SORCS2: variants seen among roughly 807,000 people sequenced by gnomAD.
SORCS2 encodes the protein VPS10 domain-containing receptor SorCS2.
In SORCS2, 100 loss-of-function variants were observed where a neutral mutation model predicts 141.6. That is an observed-to-expected ratio of 0.71 (90% CI 0.60 to 0.83). SORCS2 has a LOEUF of 0.83. SORCS2 is among the 40% of genes least tolerant of loss of function. The pLI, the probability that SORCS2 is intolerant of heterozygous loss-of-function variation, is 0.00. For synonymous variants in SORCS2, 789 were observed against 676.9 expected, an observed-to-expected ratio of 1.17 and a Z score of -2.57; for missense variants, 1,646 against 1,560.2, an observed-to-expected ratio of 1.05 and a Z score of -0.93.
At chr4:7,230,124 G>T (rs71612270) in intron 1 of SORCS2, among the ~76,000 whole-genome samples, 4 of 142,840 alleles carry the variant, frequency 2.8e-5, no homozygotes, top group Non-Finnish European at 6.1e-5. Flanking sequence ...GTCTTCCAGT[G>T]TCTGGGCAGG....
chr4:7,370,064 T>A (rs1294916614), intron 1 of SORCS2, among the ~76,000 whole-genome samples: 1 of 152,216 alleles, frequency 6.6e-6, no homozygotes, highest in African/African-American at 2.4e-5. Context: ...AGGAATGGCC[T>A]CAGTGCCCCC....
intron 10 of SORCS2, among the ~76,000 whole-genome samples, chr4:7,684,362 C>T (rs1723745603): frequency 6.6e-6 from 1 of 152,218 alleles, no homozygotes; most frequent in East Asian, 1.9e-4. Context: ...GAGCAATCTG[C>T]AAGGAAGAGC....
intron 1 of SORCS2, among the ~76,000 whole-genome samples, chr4:7,344,988 A>G (rs1720574743): frequency 2.0e-5 from 3 of 152,064 alleles, no homozygotes; most frequent in Non-Finnish European, 2.9e-5. Flanking sequence ...TGACTCGCAG[A>G]TGACCCCTGG....
chr4:7,710,770 C>G (rs561447027), intron 14 of SORCS2, among the ~76,000 whole-genome samples: 6 of 152,230 alleles, frequency 3.9e-5, no homozygotes, highest in African/African-American at 1.4e-4. Flanking sequence ...TCTGCAGAAG[C>G]GGACGGACGC....
chr4:7,633,145 C>A (rs896803424), intron 3 of SORCS2, among the ~76,000 whole-genome samples: 1 of 152,210 alleles, frequency 6.6e-6, no homozygotes, highest in African/African-American at 2.4e-5. Context: ...AGTTCTGAGT[C>A]ACCAGTGGCA....
At chr4:7,418,713 C>G (rs1205859705) in intron 2 of SORCS2, among the ~76,000 whole-genome samples, 8 of 50,612 alleles carry the variant, frequency 1.6e-4, no homozygotes, top group Non-Finnish European at 3.6e-4. Context: ...CCCCCCCCCC[C>G]ACCAGATTTG....
chr4:7,308,297 C>A (rs1213636979), intron 1 of SORCS2, among the ~76,000 whole-genome samples: 3 of 152,280 alleles, frequency 2.0e-5, no homozygotes, highest in Non-Finnish European at 4.4e-5. Context: ...CCGCCTCCAA[C>A]CCCCTGCCCC....
At chr4:7,714,190 A>G (rs745525494) in intron 15 of SORCS2, 50 bp from the exon 16 acceptor site, 1 of 1,579,382 alleles carries the variant, frequency 6.3e-7, no homozygotes, top group Non-Finnish European at 8.6e-7. Flanking sequence ...GGCCTTGTAG[A>G]GCAGTTGCCC....
At position 7,373,767 on chromosome 4, in the gene SORCS2, C is replaced by T. The variant is rs187441295; in HGVS notation, c.481-22521C>T. Among the ~76,000 whole-genome samples, 639 of 151,908 alleles carry T rather than the reference C, an allele frequency of 4.2e-3. 4 individuals are homozygous for T. Among genetic ancestry groups the T allele is most frequent in the Non-Finnish European group, 6.0e-3 (406 of 67,998 alleles). Reference sequence around the variant, plus strand: ...TCGGCCTCCCAAAGTGCTGGGATTACAGGTGTAAGCCACCACACCTGGCCC... The same window carrying T: ...TCGGCCTCCCAAAGTGCTGGGATTATAGGTGTAAGCCACCACACCTGGCCC... On this transcript the variant is annotated intron_variant, in intron 1 of 26. Coordinates refer to ENST00000507866, the MANE Select transcript of SORCS2 (RefSeq NM_020777.3).
At chr4:7,562,310 A>T (rs1021642778) in intron 3 of SORCS2, among the ~76,000 whole-genome samples, 1 of 149,450 alleles carries the variant, frequency 6.7e-6, no homozygotes, top group Admixed American at 6.7e-5. Flanking sequence ...TCAGCTGCGT[A>T]CACAAAGGCC....
chr4:7,666,020 G>A (rs1356319867), intron 7 of SORCS2, among the ~76,000 whole-genome samples: 1 of 152,112 alleles, frequency 6.6e-6, no homozygotes, highest in African/African-American at 2.4e-5. Context: ...GGGGGCTTGC[G>A]AGGAAACCGG....
At chr4:7,323,982 C>T (rs552259067) in intron 1 of SORCS2, among the ~76,000 whole-genome samples, 2 of 152,314 alleles carry the variant, frequency 1.3e-5, no homozygotes, top group South Asian at 4.1e-4. Context: ...ACCACATGGG[C>T]TACCTGGGTC....
intron 1 of SORCS2, among the ~76,000 whole-genome samples, chr4:7,226,449 C>T (rs552523038): frequency 4.9e-4 from 75 of 152,138 alleles, no homozygotes; most frequent in African/African-American, 1.7e-3. Context: ...AGTGCCGTTC[C>T]GTTTGCTCGA....
chr4:7,224,670 C>T (rs1206818393), intron 1 of SORCS2, among the ~76,000 whole-genome samples: 1 of 152,230 alleles, frequency 6.6e-6, no homozygotes, highest in Non-Finnish European at 1.5e-5. Flanking sequence ...CCCCAGGCCC[C>T]ACCGCCAACA....
At chr4:7,333,769 C>T (rs1719809631) in intron 1 of SORCS2, among the ~76,000 whole-genome samples, 1 of 152,222 alleles carries the variant, frequency 6.6e-6, no homozygotes, top group Non-Finnish European at 1.5e-5. Context: ...ATACATTTAA[C>T]ATGAAGTTGT....
chr4:7,218,162 C>T (rs7661077), intron 1 of SORCS2, among the ~76,000 whole-genome samples: 47,231 of 152,030 alleles, frequency 0.31, 8,119 homozygotes, highest in Non-Finnish European at 0.39. Context: ...GGACTTGGCC[C>T]GAGTAGAAGG....
At chr4:7,315,547 C>T (rs555763853) in intron 1 of SORCS2, among the ~76,000 whole-genome samples, 1 of 152,320 alleles carries the variant, frequency 6.6e-6, no homozygotes, top group South Asian at 2.1e-4. Flanking sequence ...TGGGGAGACA[C>T]AGACCAGGAA....
intron 26 of SORCS2, 105 bp from the exon 27 acceptor site, chr4:7,740,095 C>A: frequency 1.1e-6 from 1 of 911,674 alleles, no homozygotes; most frequent in Non-Finnish European, 1.7e-6. Context: ...AGGCCCACTG[C>A]ACGTTGGCTC....
intron 2 of SORCS2, among the ~76,000 whole-genome samples, chr4:7,416,807 C>CATGCATGCATGTTT (rs980517443): frequency 6.6e-6 from 1 of 151,894 alleles, no homozygotes; most frequent in Non-Finnish European, 1.5e-5. Context: ...CACAAACATG[C>CATGCATGCATGTTT]ATGCATGTAC....
Sources: allele counts gnomAD v4.1 joint callset (sites outside exome capture counted in the v4.1 genomes callset), GRCh38; gene constraint gnomAD v4.1.1; transcripts MANE v1.5; gene names NCBI Gene and HGNC (gene_info 2026-07-23, HGNC 2026-07-21).